Variants in EPB41 observed in about 807,000 individuals in gnomAD.
EPB41 encodes protein 4.1.
A neutral mutation model predicts 108.0 loss-of-function variants in EPB41; 65 were observed. That is an observed-to-expected ratio of 0.60 (90% CI 0.49 to 0.74). The LOEUF (loss-of-function observed/expected upper bound fraction) is 0.74. Among genes scored for constraint, EPB41 ranks in the 30% least tolerant of loss-of-function variants. EPB41 has a pLI of 0.00. For missense variants in EPB41, 875 were observed against 1,037.0 expected (o/e 0.84, Z 2.15); for synonymous variants, 336 against 358.9 (o/e 0.94, Z 0.72).
chr1:29,006,301 A>C (rs1245214306), intron 4 of EPB41, among the ~76,000 whole-genome samples: 1 of 137,072 alleles, frequency 7.3e-6, no homozygotes, highest in African/African-American at 2.8e-5. Flanking sequence ...CAGTGGCTTG[A>C]TCTTGGCTCA....
At chr1:29,012,057 G>A (rs1007737836) in intron 5 of EPB41, 150 bp downstream of exon 5, 2 of 787,144 alleles carry the variant, frequency 2.5e-6, no homozygotes, top group South Asian at 1.7e-5. Context: ...CTGGAAGGAG[G>A]AGATTCCATA....
chr1:28,905,674 G>A (rs529824753), intron 1 of EPB41, among the ~76,000 whole-genome samples: 4 of 152,194 alleles, frequency 2.6e-5, no homozygotes, highest in African/African-American at 9.6e-5. Flanking sequence ...TTAAGCCACC[G>A]AATCTATGGC....
intron 16 of EPB41, among the ~76,000 whole-genome samples, chr1:29,074,542 A>G (rs1653038058): frequency 1.3e-5 from 2 of 152,202 alleles, no homozygotes; most frequent in Non-Finnish European, 2.9e-5. Context: ...CTGTAGCAGA[A>G]TATGACACAA....
chr1:28,942,197 A>G (rs768564140), intron 1 of EPB41, among the ~76,000 whole-genome samples: 6 of 152,174 alleles, frequency 3.9e-5, no homozygotes, highest in African/African-American at 1.4e-4. Context: ...TAACCAAGCA[A>G]TTCTCCAAAG....
intron 16 of EPB41, among the ~76,000 whole-genome samples, chr1:29,074,716 A>G (rs1406303543): frequency 1.3e-5 from 2 of 152,262 alleles, no homozygotes; most frequent in Non-Finnish European, 2.9e-5. Flanking sequence ...CAAAACTCCT[A>G]TCATCCTAGA....
intron 5 of EPB41, among the ~76,000 whole-genome samples, chr1:29,013,010 T>G (rs1572436191): frequency 1.3e-5 from 2 of 151,028 alleles, no homozygotes; most frequent in South Asian, 4.1e-4. Flanking sequence ...AGAGAAAAAG[T>G]TAACAGAGTT....
Position 29,118,891 on chromosome 1 carries a change from C to G in EPB41, c.*2079C>G, listed in dbSNP as rs554820. 9,878 of 152,372 alleles carry G rather than the reference C, an allele frequency of 0.065. 419 individuals are homozygous for G. Among genetic ancestry groups the G allele is most frequent in the Non-Finnish European group, 0.1 (6,827 of 68,058 alleles). 9.4% of individuals were successfully genotyped at this position (152,372 alleles called of 1,614,324 possible). A position where few individuals can be genotyped will look rare whatever the true frequency, so the allele number is the denominator to read the frequency against. On this transcript the variant is annotated 3_prime_UTR_variant, in exon 21 of 21. Transcript: ENST00000343067. ...CAAACGAACATGTAGTGCATGCCCA[C>G]TGCCTGATGGCCAGATGGCCTGTAG...
chr1:29,013,329 A>C (rs1206811557), intron 5 of EPB41, among the ~76,000 whole-genome samples: 1 of 152,080 alleles, frequency 6.6e-6, no homozygotes, highest in Non-Finnish European at 1.5e-5. Flanking sequence ...ATCTCAAAAA[A>C]AAAAAAAATT....
intron 12 of EPB41, among the ~76,000 whole-genome samples, chr1:29,058,285 T>C (rs1382693083): frequency 6.6e-6 from 1 of 152,230 alleles, no homozygotes; most frequent in African/African-American, 2.4e-5. Context: ...TTTTAGTGGG[T>C]ACTTTTTTAT....
chr1:29,025,206 C>T (rs1385958781), intron 7 of EPB41, among the ~76,000 whole-genome samples: 1 of 151,984 alleles, frequency 6.6e-6, no homozygotes, highest in Non-Finnish European at 1.5e-5. Flanking sequence ...GTAAACTTGT[C>T]TATTGTCCCC....
rs1178588215 is a variant in EPB41 at position 29,039,384 on chromosome 1, G to A, written c.1594G>A (p.Glu532Lys). ...ALIDRPAPHF[E>K]RTASKRASRS... ...AATTGACAGGCCTGCCCCACACTTC[G>A]AGCGTACAGCAAGTAAACGGGCGTC... The change falls in exon 11 of 21, where the codon GAG (glutamate) becomes AAG (lysine). Residue 532 changes from glutamate (E) to lysine (K), a missense_variant. Transcript: ENST00000343067. 8 of 1,613,974 alleles carry A rather than the reference G, an allele frequency of 5.0e-6. No individual in the cohort carries two copies. The highest frequency in any genetic ancestry group is 2.2e-5 in the East Asian group (1 of 44,900).
Position 29,060,493 on chromosome 1 carries a change from G to T in EPB41, c.2007+9G>T. On this transcript the variant is annotated intron_variant, in intron 15 of 20. Transcript: ENST00000343067. ...GCAATTTAATGTTGGAGGTTTGTAT[G>T]AACTTGAAGCTTATTTCAGTTGGTT... 2 of 1,610,518 alleles carry T rather than the reference G, an allele frequency of 1.2e-6. No individual in the cohort carries two copies. The highest frequency in any genetic ancestry group is 2.2e-5 in the South Asian group (2 of 90,958).
chr1:29,080,212 G>A (rs192178471), intron 16 of EPB41, among the ~76,000 whole-genome samples: 2,850 of 151,224 alleles, frequency 0.019, 49 homozygotes, highest in Middle Eastern at 0.097. Context: ...TCTCCCTCCC[G>A]GGTTCAAGCG....
At position 29,075,089 on chromosome 1, in the gene EPB41, G is replaced by A. The variant is rs564486884; in HGVS notation, c.2184+9931G>A. Among the ~76,000 whole-genome samples the A allele has an allele frequency of 4.2e-3, 621 of 149,104 alleles. 4 individuals are homozygous for A. The highest frequency in any genetic ancestry group is 7.5e-3 in the Non-Finnish European group (509 of 67,596). On this transcript the variant is annotated intron_variant, in intron 16 of 20. Coordinates refer to ENST00000343067, the MANE Select transcript of EPB41 (RefSeq NM_001376013.1). The stretch of plus-strand genomic sequence containing the variant: ...GGAGAATGACATGAACCTGGGAGGC[G>A]GAGCTTGCAGTGAGCCGAGATCACG...
chr1:28,906,806 C>T lies in EPB41; in HGVS notation c.-8+19596C>T, dbSNP rs559190695. 3.8e-3 allele frequency among the ~76,000 whole-genome samples: 564 copies of T among 148,634 alleles called. 6 individuals carry two copies. The highest frequency in any genetic ancestry group is 0.013 in the African/African-American group (513 of 40,046). ...TTTTTTTTTTTTTGAGACGGAGTCT[C>T]GCTCTGTTGCCCAGGCTGGAGTGCA... On this transcript the variant is annotated intron_variant, in intron 1 of 16. Coordinates refer to the EPB41 transcript ENST00000347529.
intron 4 of EPB41, among the ~76,000 whole-genome samples, chr1:29,004,105 A>G (rs1213919879): frequency 2.0e-5 from 3 of 152,226 alleles, no homozygotes; most frequent in African/African-American, 7.2e-5. Flanking sequence ...TGTTGCCACT[A>G]TGAATCAAAA....
rs2094802907 is a variant in EPB41, at chr1:28,953,064, T to C, written c.-7-34367T>C. Among the ~76,000 whole-genome samples the C allele has an allele frequency of 2.3e-5, 3 of 130,306 alleles. No homozygotes were observed. In the South Asian group the frequency reaches 7.9e-4, roughly 34 times the overall value. The allele number at this position is 130,306 out of a possible 152,430, so 85.5% of individuals were successfully genotyped here. A position where few individuals can be genotyped will look rare whatever the true frequency, so the allele number is the denominator to read the frequency against. On this transcript the variant is annotated intron_variant, in intron 1 of 20. Transcript: ENST00000343067. ...TTTAGTGTTCAAATTTCTAGTTGTC[T>C]CAAATGGAATTTTTTTTTTTTGGTA... is the stretch of plus-strand genomic sequence containing the variant.
intron 1 of EPB41, among the ~76,000 whole-genome samples, chr1:28,930,866 T>C (rs780544893): frequency 7.9e-5 from 12 of 152,184 alleles, no homozygotes; most frequent in Non-Finnish European, 1.6e-4. Context: ...AAAAATCCTG[T>C]GGTATATTGT....
At chr1:29,015,999 C>T (rs2096572971) in intron 6 of EPB41, among the ~76,000 whole-genome samples, 1 of 152,182 alleles carries the variant, frequency 6.6e-6, no homozygotes, top group South Asian at 2.1e-4. Flanking sequence ...AGGAAATTGG[C>T]AGGGGAACTG....
Sources: gnomAD v4.1 joint callset for allele counts (sites outside exome capture counted in the v4.1 genomes callset) on GRCh38, gnomAD v4.1.1 for gene constraint, MANE v1.5 for transcripts, NCBI Gene and HGNC (gene_info 2026-07-23, HGNC 2026-07-21) for gene names.